P2RY11: variants seen among roughly 807,000 people sequenced by gnomAD.
P2RY11 encodes purinergic receptor P2Y11, also known as P2Y purinoceptor 11.
Under a neutral mutation model 2.4 loss-of-function variants are expected in P2RY11, and 3 were observed. The ratio of observed to expected loss-of-function variants is 1.22; its 90% CI spans 0.56 to 3.17. The LOEUF is 3.17. Among genes scored for constraint, P2RY11 ranks in the 30% most tolerant of loss-of-function variants. The pLI is 0.03. For synonymous variants in P2RY11, 307 were observed against 237.3 expected (o/e 1.29, Z -2.70); for missense variants, 670 against 528.2 (o/e 1.27, Z -2.63).
In P2RY11 at chr19:10,114,301, C is replaced by G. The variant is rs368573040; in HGVS notation, c.688C>G (p.Arg230Gly). The change falls in exon 2 of 2, where the codon CGG becomes GGG. Residue 230 changes from arginine (R) to glycine (G), a missense_variant. Physicochemically the swap from Arg to Gly is moderately radical, Grantham distance 125. Transcript: ENST00000321826. The part of the protein sequence containing the change: ...LTLAAYGALG[R>G]AVLRSPGMTV... Reference sequence around the variant, plus strand: ...GCTGGCAGCCTACGGCGCCCTCGGGCGGGCCGTGCTACGCAGCCCAGGCAT... The same window carrying G: ...GCTGGCAGCCTACGGCGCCCTCGGGGGGGCCGTGCTACGCAGCCCAGGCAT... The G allele has an allele frequency of 4.4e-6, 7 of 1,597,722 alleles. No homozygotes were observed. The highest frequency in any genetic ancestry group is 5.9e-6 in the Non-Finnish European group (7 of 1,178,328).
chr19:10,114,536 G>T lies in P2RY11; in HGVS notation c.923G>T (p.Gly308Val), dbSNP rs1296243268. The change falls in exon 2 of 2, where the codon GGC becomes GTC. Residue 308 changes from glycine (G) to valine (V), a missense_variant. Coordinates refer to ENST00000321826, the MANE Select transcript of P2RY11 (RefSeq NM_002566.5). Reference protein sequence around the residue: ...GPYVGYQVMRGLMPLAFCVHP... With the variant: ...GPYVGYQVMRVLMPLAFCVHP... The stretch of plus-strand genomic sequence containing the variant: ...TACGTGGGCTACCAGGTGATGCGGG[G>T]CCTCATGCCCCTGGCCTTCTGTGTC... The T allele has an allele frequency of 3.1e-6, 5 of 1,611,484 alleles. No individual in the cohort carries two copies. Among genetic ancestry groups the T allele is most frequent in the Non-Finnish European group, 3.4e-6 (4 of 1,178,432 alleles).
intron 1 of P2RY11, among the ~76,000 whole-genome samples, chr19:10,113,066 C>T (rs537383909): frequency 9.1e-5 from 12 of 132,558 alleles, no homozygotes; most frequent in Non-Finnish European, 9.6e-5. Context: ...GGGGGTATGG[C>T]GGGCGGGAGC....
At chr19:10,113,122 C>G (rs891079102) in intron 1 of P2RY11, among the ~76,000 whole-genome samples, 1 of 152,162 alleles carries the variant, frequency 6.6e-6, no homozygotes, top group African/African-American at 2.4e-5. Flanking sequence ...TTGGCGGCAA[C>G]TCCCTGGCCA....
At position 10,114,566 on chromosome 19, in the gene P2RY11, C is replaced by G. The variant is rs1050093824; in HGVS notation, c.953C>G (p.Pro318Arg). 1.2e-6 allele frequency: 2 copies of G among 1,612,812 alleles called. No homozygotes were observed. Among genetic ancestry groups the G allele is most frequent in the Non-Finnish European group, 1.7e-6 (2 of 1,179,182 alleles). The change falls in exon 2 of 2, where the codon CCT becomes CGT. Residue 318 changes from proline to arginine, a missense_variant. Transcript: ENST00000321826. The part of the protein sequence containing the change: ...GLMPLAFCVH[P>R]LLYMAAVPSL... ...ATGCCCCTGGCCTTCTGTGTCCACC[C>G]TCTACTCTACATGGCCGCAGTGCCC...
Position 10,114,430 on chromosome 19 carries a change from G to T in P2RY11, c.817G>T (p.Asp273Tyr), listed in dbSNP as rs768472475. 3 of 1,611,360 alleles carry T rather than the reference G, an allele frequency of 1.9e-6. No homozygotes were observed. The highest frequency in any genetic ancestry group is 1.1e-5 in the South Asian group (1 of 91,092). The change falls in exon 2 of 2, where the codon GAT becomes TAT. Residue 273 changes from aspartate (D) to tyrosine (Y), a missense_variant. Transcript: ENST00000321826. Reference protein sequence around the residue: ...PYHIMRVLNVDARRRWSTRCP... With the variant: ...PYHIMRVLNVYARRRWSTRCP... ...CCACATCATGCGGGTGCTCAACGTGGATGCTCGGCGGCGCTGGAGCACCCG... is the reference window on the plus strand; with the variant it reads ...CCACATCATGCGGGTGCTCAACGTGTATGCTCGGCGGCGCTGGAGCACCCG...
In P2RY11 at chr19:10,115,179, A is replaced by T; in HGVS notation, c.*441A>T. ...ATAAGACTTCTGGGGGCACCCCAAG[A>T]CCCCAGACACCCAAGTGGCATCTTG... On this transcript the variant is annotated 3_prime_UTR_variant, in exon 2 of 2. Coordinates refer to ENST00000321826, the MANE Select transcript of P2RY11 (RefSeq NM_002566.5). 1 of 1,606,458 alleles carries T rather than the reference A, an allele frequency of 6.2e-7. No homozygotes were observed. The highest frequency in any genetic ancestry group is 8.5e-7 in the Non-Finnish European group (1 of 1,176,438).
Position 10,113,675 on chromosome 19 carries a change from ACAAAC to A in P2RY11, c.63_67del (p.Lys22GlnfsTer15). 7 of 1,612,694 alleles carry A rather than the reference ACAAAC, an allele frequency of 4.3e-6. No individual in the cohort carries two copies. The highest frequency in any genetic ancestry group is 1.7e-5 in the Admixed American group (1 of 59,822). ...GCCAACTTCTTGGCAGCTGCCGACGACAAACTCAGTGGGTTCCAGGGGGACTTCCT... is the reference window on the plus strand; with the variant it reads ...GCCAACTTCTTGGCAGCTGCCGACGATCAGTGGGTTCCAGGGGGACTTCCT... On this transcript the variant is annotated frameshift_variant, in exon 2 of 2. Coordinates refer to ENST00000321826, the MANE Select transcript of P2RY11 (RefSeq NM_002566.5). LOFTEE classifies it low-confidence loss of function (END_TRUNC).
chr19:10,114,268 C>G lies in P2RY11; in HGVS notation c.655C>G (p.Leu219Val). Residue 219 changes from leucine to valine, a missense_variant, in exon 2 of 2, where the codon CTG becomes GTG. By Grantham distance (32) the Leu-to-Val change is conservative (BLOSUM62 1). Coordinates refer to ENST00000321826, the MANE Select transcript of P2RY11 (RefSeq NM_002566.5). ...GGGGTTGGGCTGCGGCCTGCCGCTG[C>G]TGCTCACGCTGGCAGCCTACGGCGC... The part of the protein sequence containing the change: ...LAGLGCGLPL[L>V]LTLAAYGALG... The G allele has an allele frequency of 6.3e-7, 1 of 1,598,466 alleles. No homozygotes were observed. The highest frequency in any genetic ancestry group is 8.5e-7 in the Non-Finnish European group (1 of 1,178,938).
chr19:10,113,619 C>T lies in P2RY11; in HGVS notation c.20-14C>T. 1 of 1,601,918 alleles carries T rather than the reference C, an allele frequency of 6.2e-7. No homozygotes were observed. The highest frequency in any genetic ancestry group is 8.5e-7 in the Non-Finnish European group (1 of 1,171,052). ...GGGGAATAGGGCTCAGCTGGTGACA[C>T]CTTCTGCCCACAGGTGCCAAGTCCT... is the stretch of plus-strand genomic sequence containing the variant. On this transcript the variant is annotated splice_polypyrimidine_tract_variant and intron_variant, in intron 1 of 1. Coordinates refer to ENST00000321826, the MANE Select transcript of P2RY11 (RefSeq NM_002566.5).
At position 10,114,650 on chromosome 19, in the gene P2RY11, A is replaced by G. The variant is rs779366901; in HGVS notation, c.1037A>G (p.Asp346Gly). 8.1e-6 allele frequency: 13 copies of G among 1,613,998 alleles called. No homozygotes were observed. The highest frequency in any genetic ancestry group is 1.1e-5 in the Non-Finnish European group (13 of 1,179,988). ...TACAGGGACAGCTGGAACCCAGAGG[A>G]CGCCAAGAGCACTGGCCAAGCCCTG... ...PGYRDSWNPE[D>G]AKSTGQALPL... Residue 346 changes from aspartate to glycine, a missense_variant, in exon 2 of 2, where the codon GAC becomes GGC. Physicochemically the swap from Asp to Gly is moderately conservative, Grantham distance 94. Transcript: ENST00000321826.
chr19:10,113,248 A>G (rs968054163), intron 1 of P2RY11, among the ~76,000 whole-genome samples: 4 of 152,016 alleles, frequency 2.6e-5, no homozygotes, highest in East Asian at 1.9e-4. Flanking sequence ...GTCAGGGCAG[A>G]GTGGGGGCTG....
At position 10,114,329 on chromosome 19, in the gene P2RY11, CTG is replaced by C. The variant is rs768514808; in HGVS notation, c.719_720del (p.Val240GlyfsTer123). ...GCCGTGCTACGCAGCCCAGGCATGACTGTGGCCGAGAAGCTGCGTGTGGCAGC... is the reference window on the plus strand; with the variant it reads ...GCCGTGCTACGCAGCCCAGGCATGACTGGCCGAGAAGCTGCGTGTGGCAGC... On this transcript the variant is annotated frameshift_variant, in exon 2 of 2. Transcript: ENST00000321826. LOFTEE classifies it low-confidence loss of function (END_TRUNC). 23 of 1,599,932 alleles carry C rather than the reference CTG, an allele frequency of 1.4e-5. No individual in the cohort carries two copies. Among genetic ancestry groups the C allele is most frequent in the Admixed American group, 5.0e-5 (3 of 59,924 alleles).
chr19:10,111,879 A>AG lies in P2RY11; in HGVS notation c.19+145dup, dbSNP rs529988035. The AG allele has an allele frequency of 8.0e-4, 770 of 966,804 alleles. 4 individuals are homozygous for AG. Among genetic ancestry groups the AG allele is most frequent in the African/African-American group, 4.9e-3 (302 of 62,242 alleles). The allele number at this position is 966,804 out of a possible 1,614,324, so 59.9% of individuals were successfully genotyped here. A position where few individuals can be genotyped will look rare whatever the true frequency, so the allele number is the denominator to read the frequency against. On this transcript the variant is annotated intron_variant, in intron 1 of 1. Transcript: ENST00000321826. Reference sequence around the variant, plus strand: ...GTAATCCCAGCACTTTGGGAGGTCGAGGGGGGTGGAACACGAGGTCAGGGG... The same window carrying AG: ...GTAATCCCAGCACTTTGGGAGGTCGAGGGGGGGTGGAACACGAGGTCAGGGG...
Position 10,111,701 on chromosome 19 carries a change from G to T in P2RY11, c.-21G>T. 6.2e-7 allele frequency: 1 copy of T among 1,613,720 alleles called. No individual in the cohort carries two copies. Among genetic ancestry groups the T allele is most frequent in the Non-Finnish European group, 8.5e-7 (1 of 1,179,872 alleles). On this transcript the variant is annotated 5_prime_UTR_variant, in exon 1 of 2. Transcript: ENST00000321826. Reference sequence around the variant, plus strand: ...CTGGGGAACTGGGTAGCAGACACAGGCTGAGGATCGGCACGGGAGCATGGC... The same window carrying T: ...CTGGGGAACTGGGTAGCAGACACAGTCTGAGGATCGGCACGGGAGCATGGC...
Position 10,115,014 on chromosome 19 carries a change from T to C in P2RY11, c.*276T>C. On this transcript the variant is annotated 3_prime_UTR_variant, in exon 2 of 2. Transcript: ENST00000321826. ...AGACGCAAGAACAAAAAGAACCAAG[T>C]AGAGAGAGTGGAGCTGCTTTATTGC... is the stretch of plus-strand genomic sequence containing the variant. The C allele has an allele frequency of 1.3e-6, 2 of 1,555,672 alleles. No homozygotes were observed. Among genetic ancestry groups the C allele is most frequent in the Admixed American group, 1.8e-5 (1 of 54,472 alleles).
chr19:10,113,523 G>A lies in P2RY11; in HGVS notation c.20-110G>A. 3 of 1,480,396 alleles carry A rather than the reference G, an allele frequency of 2.0e-6. No homozygotes were observed. In the South Asian group the frequency reaches 4.1e-5, roughly 20 times the overall value. The allele number at this position is 1,480,396 out of a possible 1,614,324, so 91.7% of individuals were successfully genotyped here. A position where few individuals can be genotyped will look rare whatever the true frequency, so the allele number is the denominator to read the frequency against. Reference sequence around the variant, plus strand: ...GAGCCCGGTCCCCCTCCAGGGAGGGGAAAGAACTCGTGTCCAGGGATCCAC... The same window carrying A: ...GAGCCCGGTCCCCCTCCAGGGAGGGAAAAGAACTCGTGTCCAGGGATCCAC... On this transcript the variant is annotated intron_variant, in intron 1 of 1. Coordinates refer to ENST00000321826, the MANE Select transcript of P2RY11 (RefSeq NM_002566.5).
rs1010813306 is a variant in P2RY11, at chr19:10,114,292, G to A, written c.679G>A (p.Ala227Thr). ...PLLLTLAAYG[A>T]LGRAVLRSPG... is the part of the protein sequence containing the mutation. ...GCTGCTCACGCTGGCAGCCTACGGC[G>A]CCCTCGGGCGGGCCGTGCTACGCAG... Residue 227 changes from alanine (A) to threonine (T), a missense_variant, in exon 2 of 2, where the codon GCC (alanine) becomes ACC (threonine). Coordinates refer to ENST00000321826, the MANE Select transcript of P2RY11 (RefSeq NM_002566.5). 9 of 1,597,764 alleles carry A rather than the reference G, an allele frequency of 5.6e-6. No individual in the cohort carries two copies. Among genetic ancestry groups the A allele is most frequent in the East Asian group, 2.2e-5 (1 of 44,782 alleles).
At chr19:10,111,854 G>A (rs2089091515) in intron 1 of P2RY11, 114 bp downstream of exon 1, 2 of 1,263,932 alleles carry the variant, frequency 1.6e-6, no homozygotes, top group Non-Finnish European at 2.3e-6. Context: ...GCTCACGCCT[G>A]TAATCCCAGC....
intron 1 of P2RY11, among the ~76,000 whole-genome samples, chr19:10,112,829 A>C (rs1293576272): frequency 6.6e-6 from 1 of 151,244 alleles, no homozygotes; most frequent in Non-Finnish European, 1.5e-5. Flanking sequence ...GTAGTCCCAA[A>C]TACTCAGGAA....
Sources: allele counts gnomAD v4.1 joint callset (sites outside exome capture counted in the v4.1 genomes callset), GRCh38; gene constraint gnomAD v4.1.1; transcripts MANE v1.5; gene names NCBI Gene and HGNC (gene_info 2026-07-23, HGNC 2026-07-21).